GRIN2B: variants seen among roughly 807,000 people sequenced by gnomAD.
GRIN2B encodes glutamate ionotropic receptor NMDA type subunit 2B.
A neutral mutation model predicts 114.5 loss-of-function variants in GRIN2B; 5 were observed. That is an observed-to-expected ratio of 0.04 (90% CI 0.02 to 0.09). The LOEUF (loss-of-function observed/expected upper bound fraction) is 0.09. GRIN2B is among the 10% of genes least tolerant of loss of function. GRIN2B has a pLI of 1.00. For missense variants in GRIN2B, 1,108 were observed against 1,943.5 expected, an observed-to-expected ratio of 0.57 and a Z score of 8.08; for synonymous variants, 787 against 745.1, an observed-to-expected ratio of 1.06 and a Z score of -0.92.
At chr12:13,754,949 T>C (rs1863551824) in intron 3 of GRIN2B, among the ~76,000 whole-genome samples, 1 of 152,182 alleles carries the variant, frequency 6.6e-6, no homozygotes, top group Admixed American at 6.5e-5. Flanking sequence ...TCTCTACCTT[T>C]AGCTAGATGA....
At chr12:13,589,561 C>CT (rs1948976935) in intron 10 of GRIN2B, among the ~76,000 whole-genome samples, 1 of 152,196 alleles carries the variant, frequency 6.6e-6, no homozygotes, top group Non-Finnish European at 1.5e-5. Context: ...TTTTCCTGTA[C>CT]TCTATTCCAG....
intron 10 of GRIN2B, among the ~76,000 whole-genome samples, chr12:13,605,785 G>A (rs539403227): frequency 6.6e-6 from 1 of 152,112 alleles, no homozygotes; most frequent in Non-Finnish European, 1.5e-5. Context: ...AGTTGTTACT[G>A]CGTGGCCCAT....
rs775053700 is a variant in GRIN2B, at chr12:13,866,100, T to C, written c.109A>G (p.Ile37Val). The C allele has an allele frequency of 1.9e-6, 3 of 1,613,958 alleles. No homozygotes were observed. Among genetic ancestry groups the C allele is most frequent in the Non-Finnish European group, 2.5e-6 (3 of 1,179,988 alleles). Residue 37 changes from isoleucine to valine, a missense_variant, in exon 3 of 14, where the codon ATT becomes GTT. Ile to Val is a conservative substitution (Grantham distance 29). Transcript: ENST00000609686. ...RSQKSPPSIG[I>V]AVILVGTSDE... ...GAAGTGCCCACGAGGATGACAGCAA[T>C]GCCAATGCTGGGGGGGCTCTTCTGA...
chr12:13,924,603 A>G (rs923367921), intron 2 of GRIN2B, among the ~76,000 whole-genome samples: 2 of 152,218 alleles, frequency 1.3e-5, no homozygotes, highest in Non-Finnish European at 2.9e-5. Context: ...AATGCTAACC[A>G]GATCCTTAGG....
intron 11 of GRIN2B, among the ~76,000 whole-genome samples, chr12:13,570,291 G>C (rs1222114346): frequency 6.6e-6 from 1 of 152,186 alleles, no homozygotes; most frequent in Admixed American, 6.5e-5. Context: ...TGTCTGAAAG[G>C]AAGAAGGAGT....
intron 3 of GRIN2B, among the ~76,000 whole-genome samples, chr12:13,775,816 G>T (rs551562419): frequency 2.6e-5 from 4 of 152,148 alleles, no homozygotes; most frequent in African/African-American, 9.6e-5. Context: ...TATTTTTCAT[G>T]TTCATTAGTC....
At position 13,710,588 on chromosome 12, in the gene GRIN2B, GACAA is replaced by G. The variant is rs533138996; in HGVS notation, c.1011-34733_1011-34730del. On this transcript the variant is annotated intron_variant, in intron 4 of 13. Transcript: ENST00000609686. ...CAAGCATTCTTACACACCAATAACA[GACAA>G]ACAGACAGCCAAATCATGAGTGAAC... Among the ~76,000 whole-genome samples the G allele has an allele frequency of 8.4e-3, 1,281 of 152,106 alleles. 25 individuals carry two copies. Among genetic ancestry groups the G allele is most frequent in the African/African-American group, 0.03 (1,228 of 41,488 alleles).
At chr12:13,760,441 T>C (rs1007941287) in intron 3 of GRIN2B, among the ~76,000 whole-genome samples, 6 of 152,238 alleles carry the variant, frequency 3.9e-5, no homozygotes, top group Non-Finnish European at 7.3e-5. Flanking sequence ...GTCTTTCACA[T>C]TATTCAAATC....
chr12:13,607,862 C>T (rs1949305303), intron 10 of GRIN2B, among the ~76,000 whole-genome samples: 1 of 152,070 alleles, frequency 6.6e-6, no homozygotes, highest in South Asian at 2.1e-4. Context: ...GTCTCCCATC[C>T]CTAGTCCTGG....
At chr12:13,619,103 A>G (rs1402620172) in intron 5 of GRIN2B, among the ~76,000 whole-genome samples, 2 of 152,222 alleles carry the variant, frequency 1.3e-5, no homozygotes, top group Admixed American at 1.3e-4. Flanking sequence ...ACAAAATACA[A>G]GTCATGCTTA....
chr12:13,808,691 T>C (rs1864661642), intron 3 of GRIN2B, among the ~76,000 whole-genome samples: 1 of 149,186 alleles, frequency 6.7e-6, no homozygotes, highest in Non-Finnish European at 1.5e-5. Context: ...CATTTATACA[T>C]ATGTAACAAA....
chr12:13,870,892 C>A (rs190126457), intron 2 of GRIN2B, among the ~76,000 whole-genome samples: 1 of 152,000 alleles, frequency 6.6e-6, no homozygotes. Context: ...AGAGTATAAA[C>A]GAGTATAACC....
At chr12:13,738,737 A>T (rs1279154831) in intron 4 of GRIN2B, among the ~76,000 whole-genome samples, 1 of 152,152 alleles carries the variant, frequency 6.6e-6, no homozygotes, top group African/African-American at 2.4e-5. Context: ...CGAGGTAAAA[A>T]AAAAATGACA....
intron 3 of GRIN2B, among the ~76,000 whole-genome samples, chr12:13,789,914 C>T (rs1245280580): frequency 6.6e-6 from 1 of 152,178 alleles, no homozygotes; most frequent in Non-Finnish European, 1.5e-5. Context: ...GGCCCCAGAA[C>T]ATGCATGACC....
chr12:13,544,576 A>G lies in GRIN2B; in HGVS notation c.*18207T>C, dbSNP rs1472630504. On this transcript the variant is annotated 3_prime_UTR_variant, in exon 14 of 14. Transcript: ENST00000609686. The stretch of plus-strand genomic sequence containing the variant: ...GCAACATCTGTAGACACCTTAAACT[A>G]TAAGGCTTTCCTTCCCAGTCAGCCT... 1 of 152,204 alleles carries G rather than the reference A, an allele frequency of 6.6e-6. No individual in the cohort carries two copies. Among genetic ancestry groups the G allele is most frequent in the Non-Finnish European group, 1.5e-5 (1 of 68,044 alleles). 9.4% of individuals were successfully genotyped at this position (152,204 alleles called of 1,614,324 possible).
At chr12:13,687,651 C>G (rs1301452695) in intron 4 of GRIN2B, among the ~76,000 whole-genome samples, 1 of 152,306 alleles carries the variant, frequency 6.6e-6, no homozygotes, top group East Asian at 1.9e-4. Flanking sequence ...ACAATGAGAC[C>G]ACCACACTTA....
At chr12:13,835,119 T>C (rs1471268283) in intron 3 of GRIN2B, among the ~76,000 whole-genome samples, 1 of 152,230 alleles carries the variant, frequency 6.6e-6, no homozygotes, top group Admixed American at 6.5e-5. Context: ...CAGACTGTAA[T>C]TCAACTGGCT....
intron 3 of GRIN2B, among the ~76,000 whole-genome samples, chr12:13,852,140 C>T (rs1344928332): frequency 6.6e-6 from 1 of 152,230 alleles, no homozygotes; most frequent in Non-Finnish European, 1.5e-5. Context: ...TGCCAGGAAT[C>T]CTCAGTTCAA....
At chr12:13,836,409 C>T (rs751241443) in intron 3 of GRIN2B, among the ~76,000 whole-genome samples, 1 of 152,180 alleles carries the variant, frequency 6.6e-6, no homozygotes, top group Non-Finnish European at 1.5e-5. Context: ...GTAAAAGCCA[C>T]CTGGAAACCA....
Sources: allele counts gnomAD v4.1 joint callset (sites outside exome capture counted in the v4.1 genomes callset), GRCh38; gene constraint gnomAD v4.1.1; transcripts MANE v1.5; gene names NCBI Gene and HGNC (gene_info 2026-07-23, HGNC 2026-07-21).